ARB2A: variants seen among roughly 807,000 people sequenced by gnomAD.
ARB2A encodes ARB2 cotranscriptional regulator A, also known as cotranscriptional regulator ARB2A.
the ARB2A span, chr5:93,911,004 ATACTGAC>A: frequency 1.3e-5 from 2 of 151,558 alleles, no homozygotes; most frequent in Non-Finnish European, 1.5e-5. Flanking sequence ...AAGATAAGTA[ATACTGAC>A]AGCGTTCTCT....
At chr5:93,693,656 GAAACTATTCGAAACA>G in the ARB2A span, among the ~76,000 whole-genome samples, 1 of 152,120 alleles carries the variant, frequency 6.6e-6, no homozygotes, top group Non-Finnish European at 1.5e-5. Context: ...CATTCCTTCT[GAAACTATTCGAAACA>G]GTAGAAAAAG....
chr5:93,754,278 T>C, the ARB2A span, among the ~76,000 whole-genome samples: 3 of 152,206 alleles, frequency 2.0e-5, no homozygotes, highest in African/African-American at 7.2e-5. Context: ...TGACATCCTA[T>C]ATACTTTTCT....
chr5:93,944,681 G>A, the ARB2A span, among the ~76,000 whole-genome samples: 1 of 151,488 alleles, frequency 6.6e-6, no homozygotes, highest in Non-Finnish European at 1.5e-5. Context: ...AAGAAGAGAA[G>A]AATGAAAGAA....
chr5:93,981,251 T>C, the ARB2A span, among the ~76,000 whole-genome samples: 10 of 152,066 alleles, frequency 6.6e-5, no homozygotes, highest in Admixed American at 2.0e-4. Flanking sequence ...GTATTTTTTG[T>C]AGAGATGGAG....
the ARB2A span, among the ~76,000 whole-genome samples, chr5:93,906,091 T>C: frequency 3.3e-5 from 5 of 151,544 alleles, no homozygotes; most frequent in Non-Finnish European, 4.4e-5. Context: ...AACGTAGCAA[T>C]GAGCTGACAT....
At chr5:93,744,077 G>A in the ARB2A span, among the ~76,000 whole-genome samples, 2 of 152,196 alleles carry the variant, frequency 1.3e-5, no homozygotes, top group Non-Finnish European at 2.9e-5. Context: ...TCAAATAGAT[G>A]TGAGCAAAGC....
At chr5:93,779,090 A>AGTGTGTGTGTGTGT in the ARB2A span, among the ~76,000 whole-genome samples, 57 of 143,446 alleles carry the variant, frequency 4.0e-4, no homozygotes, top group African/African-American at 1.3e-3. Context: ...GTCATTTCAG[A>AGTGTGTGTGTGTGT]GTGTGTGTGT....
the ARB2A span, among the ~76,000 whole-genome samples, chr5:94,063,120 C>A: frequency 2.0e-5 from 3 of 152,030 alleles, no homozygotes; most frequent in African/African-American, 7.2e-5. Flanking sequence ...AATAACCCCA[C>A]CCCCGCCTAC....
chr5:94,076,780 T>G, the ARB2A span, among the ~76,000 whole-genome samples: 3 of 152,160 alleles, frequency 2.0e-5, no homozygotes, highest in African/African-American at 7.2e-5. Context: ...GTTAACTACC[T>G]CCAGGAGACT....
the ARB2A span, among the ~76,000 whole-genome samples, chr5:93,718,169 C>T: frequency 7.2e-5 from 11 of 151,964 alleles, no homozygotes; most frequent in Non-Finnish European, 1.0e-4. Context: ...CGGCTGGGCG[C>T]GGTGGCTCAC....
At chr5:94,093,807 C>G in the ARB2A span, among the ~76,000 whole-genome samples, 359 of 152,292 alleles carry the variant, frequency 2.4e-3, no homozygotes, top group African/African-American at 8.3e-3. Context: ...ATTCACCCTA[C>G]AGCAAAATTC....
the ARB2A span, among the ~76,000 whole-genome samples, chr5:94,042,848 C>T: frequency 6.6e-6 from 1 of 152,082 alleles, no homozygotes; most frequent in African/African-American, 2.4e-5. Context: ...TTTATATAAA[C>T]TTGTTATTAG....
the ARB2A span, among the ~76,000 whole-genome samples, chr5:94,077,660 G>T: frequency 6.6e-6 from 1 of 152,130 alleles, no homozygotes; most frequent in Non-Finnish European, 1.5e-5. Context: ...TGGCACATTT[G>T]ATATATATTA....
At chr5:93,626,862 T>G in the ARB2A span, among the ~76,000 whole-genome samples, 9 of 152,248 alleles carry the variant, frequency 5.9e-5, no homozygotes, top group African/African-American at 2.2e-4. Context: ...CTGCATTGAT[T>G]GACCCTTCCT....
chr5:94,102,144 T>C, the ARB2A span, among the ~76,000 whole-genome samples: 1 of 147,544 alleles, frequency 6.8e-6, no homozygotes, highest in East Asian at 2.0e-4. Context: ...TACCTCCAAA[T>C]GACTGCACCA....
At chr5:93,740,944 T>G in the ARB2A span, 1 of 1,613,990 alleles carries the variant, frequency 6.2e-7, no homozygotes, top group Non-Finnish European at 8.5e-7. Context: ...CCCAGACTGT[T>G]GCAGGATCAT....
chr5:93,958,948 T>C, the ARB2A span: 3 of 1,596,770 alleles, frequency 1.9e-6, no homozygotes, highest in Non-Finnish European at 2.6e-6. Flanking sequence ...AACTCTTTGG[T>C]TCACTCTCAG....
the ARB2A span, among the ~76,000 whole-genome samples, chr5:93,918,518 T>C: frequency 1.4e-5 from 2 of 147,724 alleles, no homozygotes; most frequent in Non-Finnish European, 3.0e-5. Flanking sequence ...GCCTCCCGGG[T>C]TCAAGTGATT....
the ARB2A span, among the ~76,000 whole-genome samples, chr5:93,707,920 C>T: frequency 6.6e-6 from 1 of 152,130 alleles, no homozygotes; most frequent in East Asian, 1.9e-4. Context: ...ATTTGGAAGA[C>T]TTTTACTTTA....
Sources: allele counts gnomAD v4.1 joint callset (sites outside exome capture counted in the v4.1 genomes callset), GRCh38; gene constraint gnomAD v4.1.1; transcripts MANE v1.5; gene names NCBI Gene and HGNC (gene_info 2026-07-23, HGNC 2026-07-21).